ELOVL6: variants seen among roughly 807,000 people sequenced by gnomAD.
The protein encoded by ELOVL6 is very long chain fatty acid elongase 6.
In ELOVL6, 8 loss-of-function variants were observed where a neutral mutation model predicts 31.7. The observed-to-expected ratio is 0.25, with a 90% confidence interval of 0.15 to 0.45. The LOEUF (loss-of-function observed/expected upper bound fraction) is 0.45, where lower values mean the gene tolerates loss of function less well. ELOVL6 is among the 20% of genes least tolerant of loss of function. The pLI, the probability that ELOVL6 is intolerant of heterozygous loss-of-function variation, is 1.00. For missense variants in ELOVL6, 126 were observed against 326.4 expected, an observed-to-expected ratio of 0.39 and a Z score of 4.73; for synonymous variants, 101 against 117.7, an observed-to-expected ratio of 0.86 and a Z score of 0.92.
At chr4:110,192,192 G>GAAAAAAAAAAAAAAGAAAAAAAA (rs1759644114) in intron 1 of ELOVL6, among the ~76,000 whole-genome samples, 1 of 104,054 alleles carries the variant, frequency 9.6e-6, no homozygotes, top group Non-Finnish European at 2.0e-5. Flanking sequence ...CTCCATCCAA[G>GAAAAAAAAAAAAAAGAAAAAAAA]AAAAAAAAAA....
At chr4:110,145,429 C>A (rs957229400) in intron 1 of ELOVL6, among the ~76,000 whole-genome samples, 2 of 152,316 alleles carry the variant, frequency 1.3e-5, no homozygotes, top group Admixed American at 6.5e-5. Context: ...AAAGGCCATT[C>A]CCAAACTGAG....
intron 2 of ELOVL6, among the ~76,000 whole-genome samples, chr4:110,083,458 G>C (rs1033603823): frequency 1.3e-5 from 2 of 151,682 alleles, no homozygotes; most frequent in African/African-American, 4.9e-5. Flanking sequence ...CCCAGAGGCT[G>C]GCGGTGATGG....
intron 1 of ELOVL6, among the ~76,000 whole-genome samples, chr4:110,183,181 TA>T (rs1759341498): frequency 6.6e-6 from 1 of 152,230 alleles, no homozygotes; most frequent in South Asian, 2.1e-4. Context: ...GGCAGTCACG[TA>T]TGAGACTTTA....
At chr4:110,071,796 G>T (rs2126227243) in intron 2 of ELOVL6, among the ~76,000 whole-genome samples, 1 of 152,260 alleles carries the variant, frequency 6.6e-6, no homozygotes, top group South Asian at 2.1e-4. Context: ...AAAAGAGATG[G>T]TATGAAAAGA....
intron 1 of ELOVL6, among the ~76,000 whole-genome samples, chr4:110,196,698 G>A (rs1181909123): frequency 2.6e-5 from 4 of 152,108 alleles, no homozygotes; most frequent in African/African-American, 9.6e-5. Flanking sequence ...CTCCGGCTCG[G>A]GCCAGACGCG....
chr4:110,113,512 G>A (rs575690080), intron 1 of ELOVL6, among the ~76,000 whole-genome samples: 1 of 152,168 alleles, frequency 6.6e-6, no homozygotes, highest in Admixed American at 6.5e-5. Flanking sequence ...CTAGGAGGTT[G>A]CGGCTGCAGT....
At chr4:110,077,999 A>T (rs915539001) in intron 2 of ELOVL6, among the ~76,000 whole-genome samples, 2 of 152,226 alleles carry the variant, frequency 1.3e-5, no homozygotes, top group Admixed American at 1.3e-4. Context: ...GAGATAGAAG[A>T]TCAAATGGAT....
In ELOVL6 at chr4:110,051,561, C is replaced by T. The variant is rs750760916; in HGVS notation, c.575G>A (p.Arg192Gln). Residue 192 changes from arginine to glutamine, a missense_variant, in exon 4 of 4, where the codon CGG becomes CAG. Arg to Gln is a conservative substitution (Grantham distance 43). Coordinates refer to ENST00000302274, the MANE Select transcript of ELOVL6 (RefSeq NM_024090.3). This position sits in a 1 kb window ranked among gnomAD's most constrained non-coding sequence, Gnocchi z 4.8. ...CAAGGTGATGAACATGGCAAACTTC[C>T]GGGAGACTCGGAAACCTGCCGCCCG... The part of the protein sequence containing the change: ...ALRAAGFRVS[R>Q]KFAMFITLSQ... 3.1e-6 allele frequency: 5 copies of T among 1,614,152 alleles called. No individual in the cohort carries two copies. The highest frequency in any genetic ancestry group is 1.3e-5 in the African/African-American group (1 of 75,046).
At chr4:110,171,294 A>C (rs1758935242) in intron 1 of ELOVL6, among the ~76,000 whole-genome samples, 1 of 152,128 alleles carries the variant, frequency 6.6e-6, no homozygotes, top group Non-Finnish European at 1.5e-5. Flanking sequence ...CTGTAGTCCC[A>C]GCTACTTGGG....
intron 1 of ELOVL6, among the ~76,000 whole-genome samples, chr4:110,130,151 C>A (rs1288430326): frequency 2.6e-5 from 4 of 152,066 alleles, no homozygotes; most frequent in African/African-American, 9.7e-5. Context: ...CCACCTCGGC[C>A]TCCCAAAGTG....
intron 1 of ELOVL6, among the ~76,000 whole-genome samples, chr4:110,171,835 G>A (rs1758956884): frequency 6.6e-6 from 1 of 151,670 alleles, no homozygotes; most frequent in South Asian, 2.1e-4. Flanking sequence ...GACTACAGGT[G>A]CATGCCACCA....
chr4:110,184,456 C>T (rs1436442448), intron 1 of ELOVL6, among the ~76,000 whole-genome samples: 2 of 152,138 alleles, frequency 1.3e-5, no homozygotes, highest in Admixed American at 1.3e-4. Flanking sequence ...ACTAAGTAGG[C>T]ACTGGACAAG....
intron 1 of ELOVL6, among the ~76,000 whole-genome samples, chr4:110,182,631 G>A (rs1164973206): frequency 4.6e-5 from 7 of 152,100 alleles, no homozygotes; most frequent in African/African-American, 1.2e-4. Flanking sequence ...CAGGGAGGCC[G>A]GGCGCGGTGG....
intron 1 of ELOVL6, among the ~76,000 whole-genome samples, chr4:110,140,856 C>T (rs994424463): frequency 6.6e-6 from 1 of 151,812 alleles, no homozygotes; most frequent in African/African-American, 2.4e-5. Context: ...TCTTTTATTA[C>T]TGTATTAGTC....
Position 110,051,528 on chromosome 4 carries a change from A to C in ELOVL6, c.608T>G (p.Ile203Ser). Residue 203 changes from isoleucine to serine, a missense_variant, in exon 4 of 4, where the codon ATC (isoleucine) becomes AGC (serine). This residue lies in a region of ELOVL6 where 57 missense variants were observed against 110.2 expected (regional missense o/e 0.52). Coordinates refer to ENST00000302274, the MANE Select transcript of ELOVL6 (RefSeq NM_024090.3). This position sits in a 1 kb window ranked among gnomAD's most constrained non-coding sequence, Gnocchi z 4.8. The part of the protein sequence containing the change: ...KFAMFITLSQ[I>S]TQMLMGCVVN... The stretch of plus-strand genomic sequence containing the variant: ...CACACAGCCCATCAGCATCTGAGTG[A>C]TCTGGGACAAGGTGATGAACATGGC... 1 of 1,614,214 alleles carries C rather than the reference A, an allele frequency of 6.2e-7. No individual in the cohort carries two copies. Among genetic ancestry groups the C allele is most frequent in the Non-Finnish European group, 8.5e-7 (1 of 1,180,026 alleles).
At chr4:110,171,699 TTTTTTTG>T (rs1348276310) in intron 1 of ELOVL6, among the ~76,000 whole-genome samples, 2 of 137,824 alleles carry the variant, frequency 1.5e-5, no homozygotes, top group African/African-American at 5.7e-5. Flanking sequence ...TTTTTTTTTT[TTTTTTTG>T]GTTGAGACAG....
intron 2 of ELOVL6, among the ~76,000 whole-genome samples, chr4:110,071,559 G>T (rs1755481752): frequency 6.6e-6 from 1 of 152,144 alleles, no homozygotes; most frequent in South Asian, 2.1e-4. Flanking sequence ...CTTCTTTTCA[G>T]GCAGGGGGAC....
Position 110,151,557 on chromosome 4 carries a change from T to A in ELOVL6, c.90-45929A>T, listed in dbSNP as rs186592651. Among the ~76,000 whole-genome samples the A allele has an allele frequency of 6.0e-3, 920 of 152,258 alleles. 11 individuals carry two copies. Among genetic ancestry groups the A allele is most frequent in the African/African-American group, 0.021 (876 of 41,534 alleles). On this transcript the variant is annotated intron_variant, in intron 1 of 3. Coordinates refer to ENST00000302274, the MANE Select transcript of ELOVL6 (RefSeq NM_024090.3). ...GTTGCCAATAAGATCAGTATTTGGG[T>A]TTGACCTATGGGATAGATGCTTGGG... is the stretch of plus-strand genomic sequence containing the variant.
At chr4:110,099,666 A>G (rs1170820545) in intron 2 of ELOVL6, among the ~76,000 whole-genome samples, 1 of 152,254 alleles carries the variant, frequency 6.6e-6, no homozygotes, top group Non-Finnish European at 1.5e-5. Flanking sequence ...AAGAACCTCA[A>G]AGATGGCTTC....
Sources: gnomAD v4.1 joint callset for allele counts (sites outside exome capture counted in the v4.1 genomes callset) on GRCh38, gnomAD v4.1.1 for gene constraint, gnomAD v4.1.1 regional missense constraint, Gnocchi (gnomAD v3.1) non-coding constraint, MANE v1.5 for transcripts, NCBI Gene and HGNC (gene_info 2026-07-23, HGNC 2026-07-21) for gene names.